Variants in CENPW observed in about 807,000 individuals in gnomAD.
The protein encoded by CENPW is centromere protein W.
Under a neutral mutation model 11.1 loss-of-function variants are expected in CENPW, and 3 were observed. The ratio of observed to expected loss-of-function variants is 0.27; its 90% CI spans 0.12 to 0.70. The LOEUF (loss-of-function observed/expected upper bound fraction) is 0.70. Among genes scored for constraint, CENPW ranks in the 30% least tolerant of loss-of-function variants. The pLI is 0.77. For missense variants in CENPW, 100 were observed against 105.6 expected (o/e 0.95, Z 0.23); for synonymous variants, 38 against 42.0 (o/e 0.91, Z 0.37).
the CENPW span, among the ~76,000 whole-genome samples, chr6:126,375,301 T>C: frequency 6.6e-6 from 1 of 152,174 alleles, no homozygotes; most frequent in African/African-American, 2.4e-5. Flanking sequence ...TCTGAAACTG[T>C]AATGAGGACT....
chr6:126,368,634 C>G, the CENPW span, among the ~76,000 whole-genome samples: 7 of 151,278 alleles, frequency 4.6e-5, no homozygotes, highest in Admixed American at 1.3e-4. Context: ...GCAGTGTACA[C>G]CATACCCAAT....
chr6:126,418,502 G>A, the CENPW span, among the ~76,000 whole-genome samples: 7 of 152,090 alleles, frequency 4.6e-5, no homozygotes, highest in Non-Finnish European at 8.8e-5. Flanking sequence ...AGAGAAAGGG[G>A]TAAATGTAAC....
At chr6:126,418,575 G>T in the CENPW span, among the ~76,000 whole-genome samples, 2 of 152,058 alleles carry the variant, frequency 1.3e-5, no homozygotes, top group African/African-American at 4.8e-5. Flanking sequence ...ACATGTCATT[G>T]TACATTTGTC....
At chr6:126,342,298 C>T (rs1780329917) in intron 1 of CENPW, among the ~76,000 whole-genome samples, 1 of 152,172 alleles carries the variant, frequency 6.6e-6, no homozygotes, top group South Asian at 2.1e-4. Context: ...AAGTGTAATT[C>T]ACTTGCATCC....
At chr6:126,390,572 T>C in the CENPW span, among the ~76,000 whole-genome samples, 1 of 151,502 alleles carries the variant, frequency 6.6e-6, no homozygotes, top group Non-Finnish European at 1.5e-5. Context: ...TTCTTTCTAA[T>C]TTTTTTTGTG....
the CENPW span, among the ~76,000 whole-genome samples, chr6:126,382,465 T>C: frequency 6.6e-6 from 1 of 151,764 alleles, no homozygotes; most frequent in Non-Finnish European, 1.5e-5. Flanking sequence ...ATGACAGAAA[T>C]AGAATTCAGA....
At chr6:126,423,682 T>C in the CENPW span, among the ~76,000 whole-genome samples, 1 of 151,970 alleles carries the variant, frequency 6.6e-6, no homozygotes, top group Non-Finnish European at 1.5e-5. Context: ...CATTTTCCAA[T>C]TAAGGAATCA....
the CENPW span, among the ~76,000 whole-genome samples, chr6:126,440,647 T>C: frequency 6.6e-6 from 1 of 151,558 alleles, no homozygotes. Flanking sequence ...AACATGTATC[T>C]GCAAAATCAA....
chr6:126,373,836 T>A, the CENPW span, among the ~76,000 whole-genome samples: 3 of 152,198 alleles, frequency 2.0e-5, no homozygotes, highest in Non-Finnish European at 2.9e-5. Flanking sequence ...AAACCAGTTC[T>A]GAGTTTGGGG....
the CENPW span, among the ~76,000 whole-genome samples, chr6:126,454,898 A>T: frequency 6.6e-6 from 1 of 151,308 alleles, no homozygotes; most frequent in Non-Finnish European, 1.5e-5. Flanking sequence ...ATTACTACTG[A>T]CCCCACAGAA....
the CENPW span, among the ~76,000 whole-genome samples, chr6:126,418,093 T>C: frequency 3.5e-4 from 53 of 152,094 alleles, no homozygotes; most frequent in Admixed American, 5.9e-4. Context: ...AGATAGACAA[T>C]ACCAAGTGTT....
chr6:126,454,496 A>G, the CENPW span, among the ~76,000 whole-genome samples: 1 of 151,426 alleles, frequency 6.6e-6, no homozygotes, highest in African/African-American at 2.4e-5. Flanking sequence ...CAATTAAGAG[A>G]GAAATCAAGA....
the CENPW span, among the ~76,000 whole-genome samples, chr6:126,482,363 T>G: frequency 6.6e-6 from 1 of 151,982 alleles, no homozygotes; most frequent in Middle Eastern, 3.2e-3. Context: ...TTTTGTCAGA[T>G]AGATATAATA....
At chr6:126,373,695 G>T in the CENPW span, among the ~76,000 whole-genome samples, 1 of 152,300 alleles carries the variant, frequency 6.6e-6, no homozygotes, top group Admixed American at 6.5e-5. Flanking sequence ...TTATCCTCCG[G>T]AACCTCTCCA....
chr6:126,454,494 A>G, the CENPW span, among the ~76,000 whole-genome samples: 1 of 151,266 alleles, frequency 6.6e-6, no homozygotes, highest in Non-Finnish European at 1.5e-5. Flanking sequence ...TGCAATTAAG[A>G]GAGAAATCAA....
At chr6:126,374,510 A>G in the CENPW span, among the ~76,000 whole-genome samples, 1 of 152,322 alleles carries the variant, frequency 6.6e-6, no homozygotes, top group Admixed American at 6.5e-5. Context: ...AGGCATAGAC[A>G]TGGTTTGGGA....
chr6:126,454,760 A>G, the CENPW span, among the ~76,000 whole-genome samples: 1 of 151,154 alleles, frequency 6.6e-6, no homozygotes. Flanking sequence ...CAAACAGATC[A>G]TACAAAAGTT....
chr6:126,455,671 G>C, the CENPW span, among the ~76,000 whole-genome samples: 6 of 151,380 alleles, frequency 4.0e-5, no homozygotes, highest in African/African-American at 1.5e-4. Flanking sequence ...AGATAAGGAT[G>C]CCCACTTTCA....
chr6:126,340,194 G>T lies in CENPW; in HGVS notation c.-80G>T, dbSNP rs1780271774. On this transcript the variant is annotated 5_prime_UTR_variant, in exon 1 of 3. Transcript: ENST00000368328. Reference sequence around the variant, plus strand: ...GCGTCATACGGACCGGATTGTTTTCGCTGGCCCAGTGTCCCCGGAGCTTGT... The same window carrying T: ...GCGTCATACGGACCGGATTGTTTTCTCTGGCCCAGTGTCCCCGGAGCTTGT... 1 of 1,353,666 alleles carries T rather than the reference G, an allele frequency of 7.4e-7. No homozygotes were observed. The highest frequency in any genetic ancestry group is 1.0e-6 in the Non-Finnish European group (1 of 960,142). 83.9% of individuals were successfully genotyped at this position (1,353,666 alleles called of 1,614,324 possible).
Sources: allele counts gnomAD v4.1 joint callset (sites outside exome capture counted in the v4.1 genomes callset), GRCh38; gene constraint gnomAD v4.1.1; transcripts MANE v1.5; gene names NCBI Gene and HGNC (gene_info 2026-07-23, HGNC 2026-07-21).